The following CEP85 variants were observed in gnomAD, a reference collection of about 807,000 sequenced individuals.
CEP85 encodes the protein centrosomal protein of 85 kDa.
In CEP85, 58 loss-of-function variants were observed where a neutral mutation model predicts 93.7. That is an observed-to-expected ratio of 0.62 (90% CI 0.50 to 0.77). CEP85 has a LOEUF of 0.77. CEP85 is among the 30% of genes least tolerant of loss of function. CEP85 has a pLI of 0.00. For missense variants in CEP85, 868 were observed against 922.0 expected, an observed-to-expected ratio of 0.94 and a Z score of 0.76; for synonymous variants, 314 against 338.6, an observed-to-expected ratio of 0.93 and a Z score of 0.80.
intron 10 of CEP85, chr1:26,271,370 C>T (rs971771724): frequency 2.8e-6 from 1 of 353,706 alleles, no homozygotes; most frequent in Admixed American, 4.4e-5. Context: ...ATTAGATGAC[C>T]CAAAATGGTG....
chr1:26,259,644 C>G lies in CEP85; in HGVS notation c.1183C>G (p.Arg395Gly). 1.2e-6 allele frequency: 2 copies of G among 1,611,554 alleles called. No individual in the cohort carries two copies. Among genetic ancestry groups the G allele is most frequent in the East Asian group, 2.2e-5 (1 of 44,850 alleles). The stretch of plus-strand genomic sequence containing the variant: ...ATTGCAGCGAGAAAACACTTTCTTA[C>G]GTGCACAGTTTGCACAGAAGACAGA... ...QELQRENTFL[R>G]AQFAQKTEAL... The change falls in exon 7 of 14, where the codon CGT (arginine) becomes GGT (glycine). Residue 395 changes from arginine to glycine, a missense_variant. By Grantham distance (125) the Arg-to-Gly change is moderately radical. Coordinates refer to ENST00000451429, the MANE Select transcript of CEP85 (RefSeq NM_001319944.2).
intron 1 of CEP85, among the ~76,000 whole-genome samples, chr1:26,235,545 G>A (rs566676491): frequency 2.0e-4 from 28 of 138,248 alleles, no homozygotes; most frequent in African/African-American, 7.2e-4. Flanking sequence ...CAAGCATGAT[G>A]TTCCACACTT....
intron 7 of CEP85, among the ~76,000 whole-genome samples, chr1:26,266,085 T>C (rs947559142): frequency 1.3e-5 from 2 of 152,064 alleles, no homozygotes. Context: ...GGTGGACACC[T>C]GTAACCCCAG....
chr1:26,241,971 A>C (rs2089434707), intron 2 of CEP85, among the ~76,000 whole-genome samples: 2 of 151,980 alleles, frequency 1.3e-5, no homozygotes, highest in South Asian at 4.2e-4. Context: ...CCATATGCCC[A>C]GGCTGGTCTC....
chr1:26,268,279 G>A (rs992679815), intron 7 of CEP85, among the ~76,000 whole-genome samples: 27 of 152,188 alleles, frequency 1.8e-4, no homozygotes, highest in South Asian at 1.0e-3. Context: ...AAAACATGGC[G>A]AAACTCTGTC....
rs1557656758 is a variant in CEP85, at chr1:26,255,436, T to C, written c.474T>C (p.Asn158=). The C allele has an allele frequency of 1.2e-6, 2 of 1,613,938 alleles. No individual in the cohort carries two copies. The highest frequency in any genetic ancestry group is 1.7e-6 in the Non-Finnish European group (2 of 1,180,006). Reference sequence around the variant, plus strand: ...ATTTCTCTGGTGCTACTGGAGAAAATGGAATTGAGCAGTCCTGGTTTCCAG... The same window carrying C: ...ATTTCTCTGGTGCTACTGGAGAAAACGGAATTGAGCAGTCCTGGTTTCCAG... The part of the protein sequence containing the change: ...LMYFSGATGE[N]GIEQSWFPAV... Residue 158 remains asparagine (N), a synonymous_variant, in exon 4 of 14, where the codon AAT becomes AAC. Transcript: ENST00000451429.
At chr1:26,269,426 T>TA (rs2089939727) in intron 8 of CEP85, 34 bp from the exon 9 acceptor site, 1 of 1,606,000 alleles carries the variant, frequency 6.2e-7, no homozygotes, top group East Asian at 2.2e-5. Flanking sequence ...AACACTTGGC[T>TA]TATTTGACCT....
chr1:26,243,128 C>CTTTTTTTTTTTTTT, intron 2 of CEP85, among the ~76,000 whole-genome samples: 1 of 121,884 alleles, frequency 8.2e-6, no homozygotes, highest in Non-Finnish European at 1.7e-5. Flanking sequence ...CAGTGATTTT[C>CTTTTTTTTTTTTTT]TTTTTTTTTT....
At chr1:26,240,421 T>C (rs991388263) in intron 2 of CEP85, among the ~76,000 whole-genome samples, 2 of 152,228 alleles carry the variant, frequency 1.3e-5, no homozygotes, top group Admixed American at 1.3e-4. Context: ...GCATATAACC[T>C]GTGTATATCC....
rs2089965575 is a variant in CEP85, at chr1:26,271,011, C to T, written c.1650-3C>T. ...AGTTCTTGAAGAGGCCACTGTCTTT[C>T]AGCCTGCAAGATAAACAGTCTGTGG... On this transcript the variant is annotated splice_region_variant and splice_polypyrimidine_tract_variant and intron_variant, in intron 9 of 13. Coordinates refer to ENST00000451429, the MANE Select transcript of CEP85 (RefSeq NM_001319944.2). The T allele has an allele frequency of 1.2e-6, 2 of 1,603,492 alleles. No individual in the cohort carries two copies. The highest frequency in any genetic ancestry group is 1.7e-6 in the Non-Finnish European group (2 of 1,170,640).
chr1:26,254,293 G>A (rs947995065), intron 3 of CEP85, among the ~76,000 whole-genome samples: 1 of 152,110 alleles, frequency 6.6e-6, no homozygotes, highest in African/African-American at 2.4e-5. Context: ...GCTTGCAGTA[G>A]TCCCCCTCAG....
Position 26,255,616 on chromosome 1 carries a change from G to A in CEP85, c.654G>A (p.Leu218=), listed in dbSNP as rs775635614. Residue 218 remains leucine, a synonymous_variant, in exon 4 of 14, where the codon TTG becomes TTA. Transcript: ENST00000451429. The part of the protein sequence containing the change: ...HNPRTSTSKE[L]YRVLPEAKKA... ...CAAGAACCAGCACAAGTAAGGAGTT[G>A]TACAGAGTGTTGCCTGAGGCCAAGA... 1.2e-6 allele frequency: 2 copies of A among 1,614,112 alleles called. No homozygotes were observed. Among genetic ancestry groups the A allele is most frequent in the Non-Finnish European group, 1.7e-6 (2 of 1,180,006 alleles).
chr1:26,265,196 C>A (rs761791877), intron 7 of CEP85, among the ~76,000 whole-genome samples: 1 of 151,942 alleles, frequency 6.6e-6, no homozygotes, highest in Admixed American at 6.6e-5. Flanking sequence ...GTTGACCAGG[C>A]GGGTCTCAAA....
chr1:26,239,712 GGAATTAAA>G, intron 1 of CEP85, 42 bp from the exon 2 acceptor site: 1 of 1,109,416 alleles, frequency 9.0e-7, no homozygotes, highest in Admixed American at 1.7e-5. Context: ...TGAGTTGCGG[GGAATTAAA>G]GATACTTCAG....
At chr1:26,238,505 C>T (rs2089367658) in intron 1 of CEP85, among the ~76,000 whole-genome samples, 1 of 152,114 alleles carries the variant, frequency 6.6e-6, no homozygotes, top group South Asian at 2.1e-4. Flanking sequence ...CGAATTGTCC[C>T]AAACTCTTTT....
chr1:26,257,565 A>G, intron 4 of CEP85, 32 bp from the exon 5 acceptor site: 1 of 1,612,634 alleles, frequency 6.2e-7, no homozygotes, highest in Non-Finnish European at 8.5e-7. Context: ...ATGGGTCAAG[A>G]TCAAGCTCAT....
chr1:26,239,791 T>C lies in CEP85; in HGVS notation c.8T>C (p.Met3Thr). The C allele has an allele frequency of 6.2e-7, 1 of 1,613,302 alleles. No homozygotes were observed. The highest frequency in any genetic ancestry group is 8.5e-7 in the Non-Finnish European group (1 of 1,179,192). The change falls in exon 2 of 14, where the codon ATG becomes ACG. Residue 3 changes from methionine to threonine, a missense_variant. Met to Thr is a moderately conservative substitution (Grantham distance 81). Coordinates refer to ENST00000451429, the MANE Select transcript of CEP85 (RefSeq NM_001319944.2). MAMQEKYPTEGIS... is the reference protein window; with the variant it reads MATQEKYPTEGIS... ...CTTAAATAACTGTGATTGATGGCCA[T>C]GCAGGAGAAATATCCAACTGAGGGG...
intron 9 of CEP85, among the ~76,000 whole-genome samples, chr1:26,270,385 A>G (rs1407640477): frequency 6.6e-6 from 1 of 152,224 alleles, no homozygotes; most frequent in Non-Finnish European, 1.5e-5. Context: ...ACAAGATGCC[A>G]TAATGTACTC....
At chr1:26,274,688 A>G (rs1241723518) in intron 11 of CEP85, among the ~76,000 whole-genome samples, 1 of 152,120 alleles carries the variant, frequency 6.6e-6, no homozygotes, top group African/African-American at 2.4e-5. Flanking sequence ...GAGGCTGGCC[A>G]TGTGGAGGGT....
Sources: gnomAD v4.1 joint callset for allele counts (sites outside exome capture counted in the v4.1 genomes callset) on GRCh38, gnomAD v4.1.1 for gene constraint, MANE v1.5 for transcripts, NCBI Gene and HGNC (gene_info 2026-07-23, HGNC 2026-07-21) for gene names.